The following NLGN1 variants were observed in gnomAD, a reference collection of about 807,000 sequenced individuals.
NLGN1 encodes neuroligin-1.
A neutral mutation model predicts 65.5 loss-of-function variants in NLGN1; 12 were observed. The ratio of observed to expected loss-of-function variants is 0.18; its 90% CI spans 0.12 to 0.30. The LOEUF is 0.30. NLGN1 is among the 10% of genes least tolerant of loss of function. The probability of loss-of-function intolerance (pLI) is 1.00; values close to 1 mark genes in which losing one functional copy is unlikely to be tolerated. For synonymous variants in NLGN1, 350 were observed against 359.5 expected (o/e 0.97, Z 0.30); for missense variants, 750 against 1,007.1 (o/e 0.74, Z 3.46).
At chr3:174,272,982 A>AAGTT (rs1561446281) in intron 4 of NLGN1, among the ~76,000 whole-genome samples, 2 of 151,434 alleles carry the variant, frequency 1.3e-5, no homozygotes, top group African/African-American at 4.8e-5. Context: ...TATAAAGTAG[A>AAGTT]AGTTACTTTT....
intron 4 of NLGN1, among the ~76,000 whole-genome samples, chr3:174,035,176 A>G (rs1447582916): frequency 6.6e-6 from 1 of 152,168 alleles, no homozygotes; most frequent in East Asian, 1.9e-4. Context: ...TATTTACTCT[A>G]TGTTTAAAGA....
intron 3 of NLGN1, among the ~76,000 whole-genome samples, chr3:173,752,333 C>T (rs556639015): frequency 6.6e-6 from 1 of 152,128 alleles, no homozygotes; most frequent in East Asian, 1.9e-4. Context: ...TTGCCCTCTG[C>T]CCTATATCAG....
intron 4 of NLGN1, among the ~76,000 whole-genome samples, chr3:173,832,131 A>C (rs1459194687): frequency 3.0e-4 from 45 of 150,978 alleles, no homozygotes; most frequent in Admixed American, 1.4e-3. Context: ...TAAATTAAAA[A>C]AAAAAAAAAA....
chr3:173,726,892 TG>T (rs546587608), intron 3 of NLGN1, among the ~76,000 whole-genome samples: 29 of 151,008 alleles, frequency 1.9e-4, no homozygotes, highest in Non-Finnish European at 3.7e-4. Context: ...ATAAAAGTTA[TG>T]TTCTTTGCCT....
intron 2 of NLGN1, among the ~76,000 whole-genome samples, chr3:173,503,900 T>C (rs1731568800): frequency 6.6e-6 from 1 of 152,098 alleles, no homozygotes; most frequent in Non-Finnish European, 1.5e-5. Flanking sequence ...TGGGATTTTT[T>C]TTTCTTTTCT....
chr3:173,803,316 A>T (rs1715876508), intron 3 of NLGN1, among the ~76,000 whole-genome samples: 1 of 152,152 alleles, frequency 6.6e-6, no homozygotes, highest in Non-Finnish European at 1.5e-5. Flanking sequence ...ATGCCTTCAT[A>T]TTAACATTTC....
chr3:173,675,858 C>T (rs557239917), intron 3 of NLGN1, among the ~76,000 whole-genome samples: 1,910 of 141,610 alleles, frequency 0.013, 50 homozygotes, highest in African/African-American at 0.048. Flanking sequence ...CTCTCTTTCT[C>T]TCTCTCTTTG....
chr3:173,429,817 G>C (rs1161600907), intron 1 of NLGN1, among the ~76,000 whole-genome samples: 1 of 152,176 alleles, frequency 6.6e-6, no homozygotes, highest in Non-Finnish European at 1.5e-5. Flanking sequence ...TATCCCCGCT[G>C]TGTGGGAAAG....
intron 4 of NLGN1, among the ~76,000 whole-genome samples, chr3:174,207,413 C>T (rs570128415): frequency 2.0e-5 from 3 of 152,268 alleles, no homozygotes; most frequent in African/African-American, 7.2e-5. Context: ...TCTATCAAAT[C>T]AATGCACCTG....
intron 3 of NLGN1, among the ~76,000 whole-genome samples, chr3:173,711,040 T>G (rs1192005079): frequency 6.6e-6 from 1 of 152,060 alleles, no homozygotes; most frequent in Admixed American, 6.6e-5. Context: ...ACATATTTAT[T>G]TATTATTCAA....
chr3:174,093,565 T>C (rs181472500), intron 4 of NLGN1, among the ~76,000 whole-genome samples: 1 of 152,340 alleles, frequency 6.6e-6, no homozygotes, highest in African/African-American at 2.4e-5. Flanking sequence ...TCAATAATGC[T>C]AATGCCTAGC....
intron 3 of NLGN1, among the ~76,000 whole-genome samples, chr3:173,710,059 G>T (rs1768711536): frequency 6.6e-6 from 1 of 151,990 alleles, no homozygotes; most frequent in East Asian, 1.9e-4. Context: ...TGACAAAATG[G>T]TGATGGACAT....
intron 4 of NLGN1, among the ~76,000 whole-genome samples, chr3:174,014,279 C>T (rs1216250204): frequency 6.6e-6 from 1 of 152,146 alleles, no homozygotes. Flanking sequence ...TCTGATTTAG[C>T]CCTTTTTTTC....
chr3:174,283,731 C>G lies in NLGN1; in HGVS notation c.*2428C>G, dbSNP rs191385042. The G allele has an allele frequency of 4.6e-5, 7 of 151,362 alleles. No individual in the cohort carries two copies. In the East Asian group the frequency reaches 1.4e-3, roughly 30 times the overall value. The allele number at this position is 151,362 out of a possible 1,614,324, so 9.4% of individuals were successfully genotyped here. A position where few individuals can be genotyped will look rare whatever the true frequency, so the allele number is the denominator to read the frequency against. On this transcript the variant is annotated 3_prime_UTR_variant, in exon 7 of 7. Coordinates refer to ENST00000457714, the Ensembl canonical transcript of NLGN1. ...ATTAAAAAAAAGTCTCTGTTAGAAG[C>G]AAAAGTCTTCAAAATCCAGAGTGAT...
chr3:174,251,673 C>A (rs1394701581), intron 4 of NLGN1, among the ~76,000 whole-genome samples: 5 of 152,134 alleles, frequency 3.3e-5, no homozygotes, highest in Non-Finnish European at 5.9e-5. Context: ...GATTTTGTTA[C>A]AATTAACTTT....
At chr3:174,292,848 T>C in the NLGN1 span, among the ~76,000 whole-genome samples, 1 of 151,366 alleles carries the variant, frequency 6.6e-6, no homozygotes, top group Non-Finnish European at 1.5e-5. Context: ...CAGAAAAGGC[T>C]TGCACCCAAA....
chr3:173,398,747 C>CT (rs1317258564), intron 1 of NLGN1, among the ~76,000 whole-genome samples: 1 of 152,182 alleles, frequency 6.6e-6, no homozygotes, highest in Non-Finnish European at 1.5e-5. Context: ...AACCCAGTAT[C>CT]TGTTACTCTG....
At chr3:173,566,650 A>C in intron 2 of NLGN1, among the ~76,000 whole-genome samples, 1 of 152,074 alleles carries the variant, frequency 6.6e-6, no homozygotes, top group East Asian at 1.9e-4. Context: ...CCCTGCAAAC[A>C]ATTAAATGTT....
chr3:173,702,337 C>T (rs912692351), intron 3 of NLGN1, among the ~76,000 whole-genome samples: 6 of 152,032 alleles, frequency 3.9e-5, no homozygotes, highest in Admixed American at 3.3e-4. Flanking sequence ...AGTTACTTCA[C>T]GACAAGAATT....
Sources: allele counts gnomAD v4.1 joint callset (sites outside exome capture counted in the v4.1 genomes callset), GRCh38; gene constraint gnomAD v4.1.1; transcripts MANE v1.5; gene names NCBI Gene and HGNC (gene_info 2026-07-23, HGNC 2026-07-21).